CLEC12A: variants seen among roughly 807,000 people sequenced by gnomAD.
CLEC12A encodes the protein C-type lectin protein CLL-1.
CLEC12A carries 22 observed loss-of-function variants against 26.5 expected under a neutral mutation model. The observed-to-expected ratio is 0.83, with a 90% CI of 0.59 to 1.19. The LOEUF is 1.19. CLEC12A is among the 50% of genes most tolerant of loss of function. The pLI, the probability that CLEC12A is intolerant of heterozygous loss-of-function variation, is 0.00. For missense variants in CLEC12A, 353 were observed against 315.6 expected, an observed-to-expected ratio of 1.12 and a Z score of -0.90; for synonymous variants, 119 against 101.9, an observed-to-expected ratio of 1.17 and a Z score of -1.01.
rs1418574018 is a variant in CLEC12A, at chr12:9,979,012, G to C, written c.138G>C (p.Leu46=). ...SHVWRPAALF[L]TLLCLLLLIG... is the part of the protein sequence containing the mutation. ...TATGGCGTCCAGCAGCCTTGTTTCTGACTCTTCTGTGCCTTCTGTTGCTCA... is the reference window on the plus strand; with the variant it reads ...TATGGCGTCCAGCAGCCTTGTTTCTCACTCTTCTGTGCCTTCTGTTGCTCA... Residue 46 remains leucine, a synonymous_variant, in exon 2 of 6, where the codon CTG becomes CTC. Coordinates refer to ENST00000304361, the MANE Select transcript of CLEC12A (RefSeq NM_138337.6). The C allele has an allele frequency of 6.2e-7, 1 of 1,613,926 alleles. No individual in the cohort carries two copies. The highest frequency in any genetic ancestry group is 8.5e-7 in the Non-Finnish European group (1 of 1,179,866).
chr12:9,963,184 G>T (rs1863868391), intron 1 of CLEC12A, among the ~76,000 whole-genome samples: 1 of 152,126 alleles, frequency 6.6e-6, no homozygotes, highest in African/African-American at 2.4e-5. Flanking sequence ...GAGGACCTAG[G>T]ACATCTAATT....
chr12:9,957,567 T>G (rs941952890), intron 1 of CLEC12A, among the ~76,000 whole-genome samples: 1 of 152,194 alleles, frequency 6.6e-6, no homozygotes, highest in Non-Finnish European at 1.5e-5. Flanking sequence ...TTTGAGATTT[T>G]GATCAGACTT....
the CLEC12A span, among the ~76,000 whole-genome samples, chr12:10,006,080 C>T: frequency 1.3e-5 from 2 of 152,118 alleles, no homozygotes; most frequent in Non-Finnish European, 2.9e-5. Flanking sequence ...ACTGTGTTTC[C>T]ATATTTTCCA....
chr12:10,006,103 T>C, the CLEC12A span, among the ~76,000 whole-genome samples: 5 of 152,260 alleles, frequency 3.3e-5, no homozygotes, highest in Non-Finnish European at 5.9e-5. Flanking sequence ...GTGAACAATA[T>C]TTTCTGACAA....
intron 4 of CLEC12A, chr12:9,994,986 T>A (rs1865001201): frequency 9.1e-6 from 14 of 1,532,434 alleles, no homozygotes; most frequent in Non-Finnish European, 1.2e-5. Context: ...GAAAGAATTG[T>A]CTTATGACCA....
At chr12:9,987,029 C>G (rs1864782616), downstream of CLEC12A, among the ~76,000 whole-genome samples, 2 of 152,112 alleles carry the variant, frequency 1.3e-5, no homozygotes, top group Non-Finnish European at 2.9e-5. Context: ...AATTTTAGAA[C>G]TCAAAGAGAA....
chr12:9,970,639 T>A (rs1864093751), upstream of CLEC12A, among the ~76,000 whole-genome samples: 1 of 151,466 alleles, frequency 6.6e-6, no homozygotes, highest in Non-Finnish European at 1.5e-5. Context: ...CTTTGGAGAC[T>A]CATTTCCCTC....
chr12:9,980,487 G>T, intron 3 of CLEC12A, 95 bp from the exon 4 acceptor site: 1 of 1,209,390 alleles, frequency 8.3e-7, no homozygotes, highest in Non-Finnish European at 1.2e-6. Flanking sequence ...AGAATAAACA[G>T]CAAATGTGAT....
At chr12:9,979,660 A>T in intron 3 of CLEC12A, 136 bp downstream of exon 3, 1 of 657,306 alleles carries the variant, frequency 1.5e-6, no homozygotes, top group Non-Finnish European at 2.5e-6. Flanking sequence ...CATGTGGTTG[A>T]TGGAGAATTC....
chr12:9,984,864 T>C lies in CLEC12A; in HGVS notation c.642-6T>C. Reference sequence around the variant, plus strand: ...GCCAAGTGTAATTCTTTACTTTCTCTTTCAGGGTTATAAGAAACGCACCTG... The same window carrying C: ...GCCAAGTGTAATTCTTTACTTTCTCCTTCAGGGTTATAAGAAACGCACCTG... On this transcript the variant is annotated splice_polypyrimidine_tract_variant and splice_region_variant and intron_variant, in intron 5 of 5. Transcript: ENST00000304361. 1 of 1,479,794 alleles carries C rather than the reference T, an allele frequency of 6.8e-7. No individual in the cohort carries two copies. Among genetic ancestry groups the C allele is most frequent in the East Asian group, 2.5e-5 (1 of 40,452 alleles). 91.7% of individuals were successfully genotyped at this position (1,479,794 alleles called of 1,614,324 possible).
At chr12:10,000,307 A>G (rs1166905879), downstream of CLEC12A, among the ~76,000 whole-genome samples, 1 of 152,208 alleles carries the variant, frequency 6.6e-6, no homozygotes, top group Admixed American at 6.5e-5. Flanking sequence ...CTCCCCTGCT[A>G]TCTCCTTCAC....
At position 9,980,736 on chromosome 12, in the gene CLEC12A, A is replaced by G; in HGVS notation, c.531+3A>G. On this transcript the variant is annotated splice_donor_region_variant and intron_variant, in intron 4 of 5. Transcript: ENST00000304361. ...AGATAAACAACAAAAATGCATTGGT[A>G]AAGCCCAGGTGTTTCTACCATCATG... 1 of 1,613,290 alleles carries G rather than the reference A, an allele frequency of 6.2e-7. No homozygotes were observed. Among genetic ancestry groups the G allele is most frequent in the Non-Finnish European group, 8.5e-7 (1 of 1,179,568 alleles).
chr12:9,967,096 G>A (rs1384731798), upstream of CLEC12A, among the ~76,000 whole-genome samples: 1 of 151,864 alleles, frequency 6.6e-6, no homozygotes, highest in African/African-American at 2.4e-5. Flanking sequence ...ATTACAGGGT[G>A]GAGAAGTGGA....
chr12:9,971,785 A>G, intron 1 of CLEC12A, 98 bp downstream of exon 1: 1 of 979,930 alleles, frequency 1.0e-6, no homozygotes, highest in Non-Finnish European at 1.4e-6. Context: ...TATTCAACTT[A>G]AATTTTCAAT....
intron 1 of CLEC12A, among the ~76,000 whole-genome samples, chr12:9,957,827 A>G (rs1232378487): frequency 2.0e-5 from 3 of 152,224 alleles, no homozygotes; most frequent in Non-Finnish European, 4.4e-5. Context: ...GGTTTGCCTG[A>G]CACAATTCCC....
At chr12:9,966,688 T>C (rs1006597674), upstream of CLEC12A, among the ~76,000 whole-genome samples, 2 of 151,746 alleles carry the variant, frequency 1.3e-5, no homozygotes, top group African/African-American at 4.9e-5. Context: ...GCCTCTACTT[T>C]ATTATTGTAC....
exon 5 of CLEC12A, chr12:9,995,195 G>A: frequency 6.2e-7 from 1 of 1,613,126 alleles, no homozygotes; most frequent in East Asian, 2.2e-5. Context: ...TTCGACTTCT[G>A]GCGAGATAAT....
At chr12:9,975,081 C>T (rs1864283406) in intron 1 of CLEC12A, among the ~76,000 whole-genome samples, 2 of 152,190 alleles carry the variant, frequency 1.3e-5, no homozygotes, top group Admixed American at 1.3e-4. Context: ...GCCTCTCCAG[C>T]CACATGGAAC....
rs571902595 is a variant in CLEC12A, at chr12:9,995,059, T to G, written n.1046T>G. 1.0e-4 allele frequency: 167 copies of G among 1,595,432 alleles called. No homozygotes were observed. In the African/African-American group the frequency reaches 2.1e-3, roughly 20 times the overall value. ...CTGCTGCTTCTATAACCCATAGTAG[T>G]GACTTGGACTGAGAGAAGAGGGAAT... On this transcript the variant is annotated non_coding_transcript_exon_variant, in exon 5 of 5. Coordinates refer to the CLEC12A transcript ENST00000449959.
Sources: allele counts gnomAD v4.1 joint callset (sites outside exome capture counted in the v4.1 genomes callset), GRCh38; gene constraint gnomAD v4.1.1; transcripts MANE v1.5; gene names NCBI Gene and HGNC (gene_info 2026-07-23, HGNC 2026-07-21).